Variants in RARS2 observed in about 807,000 individuals in gnomAD.
RARS2 encodes the protein arginyl-tRNA synthetase 2, mitochondrial.
In RARS2, 67 loss-of-function variants were observed where a neutral mutation model predicts 88.5. That is an observed-to-expected ratio of 0.76 (90% confidence interval 0.62 to 0.93). The LOEUF (loss-of-function observed/expected upper bound fraction) is 0.93. Among genes scored for constraint, RARS2 ranks in the 40% least tolerant of loss-of-function variants. The pLI is 0.00. For synonymous variants in RARS2, 239 were observed against 230.3 expected, an observed-to-expected ratio of 1.04 and a Z score of -0.34; for missense variants, 664 against 684.2, an observed-to-expected ratio of 0.97 and a Z score of 0.33.
At chr6:87,563,606 A>G (rs1788537523) in intron 3 of RARS2, among the ~76,000 whole-genome samples, 1 of 152,154 alleles carries the variant, frequency 6.6e-6, no homozygotes, top group Admixed American at 6.6e-5. Context: ...TACACTAACA[A>G]TTTATGTTTA....
At chr6:87,586,729 T>C (rs775120015) in intron 1 of RARS2, among the ~76,000 whole-genome samples, 1 of 152,176 alleles carries the variant, frequency 6.6e-6, no homozygotes, top group Non-Finnish European at 1.5e-5. Context: ...TAAACTATTA[T>C]AGCAAAACGA....
Position 87,548,592 on chromosome 6 carries a change from T to A in RARS2, c.450A>T (p.Ile150=). 1 of 1,612,556 alleles carries A rather than the reference T, an allele frequency of 6.2e-7. No individual in the cohort carries two copies. The highest frequency in any genetic ancestry group is 1.3e-5 in the African/African-American group (1 of 75,012). The change falls in exon 6 of 20, where the codon ATA becomes ATT. Residue 150 remains isoleucine (I), a splice_region_variant and synonymous_variant. Coordinates refer to ENST00000369536, the MANE Select transcript of RARS2 (RefSeq NM_020320.5). The part of the protein sequence containing the change: ...FHVGHLRSTI[I]GNFIANLKEA... ...TTTTATGTGAAACTAAACACTTACC[T>A]ATGATGGTAGAACGCAAATGTCCAA...
intron 8 of RARS2, among the ~76,000 whole-genome samples, chr6:87,535,164 A>G (rs914402739): frequency 1.3e-5 from 2 of 152,174 alleles, no homozygotes; most frequent in African/African-American, 4.8e-5. Flanking sequence ...CATACTAGCC[A>G]TAACAGTAAC....
intron 8 of RARS2, among the ~76,000 whole-genome samples, chr6:87,534,031 C>T (rs1778387837): frequency 6.6e-6 from 1 of 152,068 alleles, no homozygotes; most frequent in African/African-American, 2.4e-5. Flanking sequence ...TGAATTTTTA[C>T]CTAGTTTAGA....
chr6:87,583,573 GAAC>G (rs1774240406), intron 1 of RARS2, among the ~76,000 whole-genome samples: 1 of 132,442 alleles, frequency 7.6e-6, no homozygotes, highest in Non-Finnish European at 1.6e-5. Flanking sequence ...TGGGCAACAA[GAAC>G]AAAACTGCGT....
chr6:87,536,346 T>G (rs1582453371), intron 8 of RARS2, among the ~76,000 whole-genome samples: 1 of 152,242 alleles, frequency 6.6e-6, no homozygotes, highest in East Asian at 1.9e-4. Flanking sequence ...CCATAAGAAA[T>G]TACTTTTTGC....
At chr6:87,577,479 G>C (rs565155990) in intron 1 of RARS2, among the ~76,000 whole-genome samples, 1 of 152,180 alleles carries the variant, frequency 6.6e-6, no homozygotes, top group Non-Finnish European at 1.5e-5. Flanking sequence ...TTATAGGTGT[G>C]AGCCACTGCA....
intron 19 of RARS2, 112 bp downstream of exon 19, chr6:87,514,845 T>C: frequency 1.2e-6 from 1 of 869,304 alleles, no homozygotes; most frequent in South Asian, 1.4e-5. Flanking sequence ...TAAGGAAGTA[T>C]ACTGCTACAG....
chr6:87,567,078 C>T (rs1768147334), intron 2 of RARS2, among the ~76,000 whole-genome samples: 1 of 151,722 alleles, frequency 6.6e-6, no homozygotes. Flanking sequence ...ATGGTGAAAC[C>T]CCGTCTCTAC....
intron 4 of RARS2, among the ~76,000 whole-genome samples, chr6:87,558,414 CTG>C (rs1786690854): frequency 1.3e-5 from 2 of 152,132 alleles, no homozygotes; most frequent in African/African-American, 4.8e-5. Context: ...TCACTGGGCC[CTG>C]TGTGTGTTAT....
intron 4 of RARS2, 64 bp from the exon 5 acceptor site, chr6:87,555,569 T>A: frequency 7.7e-7 from 1 of 1,291,212 alleles, no homozygotes; most frequent in Non-Finnish European, 1.1e-6. Context: ...ACTCTGTTAC[T>A]GAGAATTAAA....
chr6:87,579,430 C>G (rs59149845), intron 1 of RARS2, among the ~76,000 whole-genome samples: 1 of 152,132 alleles, frequency 6.6e-6, no homozygotes, highest in African/African-American at 2.4e-5. Context: ...GGATGAACAT[C>G]TGAATCACCT....
chr6:87,545,752 A>G (rs1782448560), intron 6 of RARS2, 53 bp from the exon 7 acceptor site: 4 of 1,583,740 alleles, frequency 2.5e-6, no homozygotes, highest in African/African-American at 1.4e-5. Flanking sequence ...ATTTTTTGAC[A>G]TAAGAACCAT....
chr6:87,528,688 A>G (rs1015377822), intron 10 of RARS2, among the ~76,000 whole-genome samples: 1 of 152,212 alleles, frequency 6.6e-6, no homozygotes, highest in African/African-American at 2.4e-5. Flanking sequence ...AAAAATTATA[A>G]TCATAGAAGC....
At chr6:87,579,262 G>A (rs918019128) in intron 1 of RARS2, among the ~76,000 whole-genome samples, 6 of 152,000 alleles carry the variant, frequency 3.9e-5, no homozygotes, top group African/African-American at 7.3e-5. Flanking sequence ...AGGAAAACCC[G>A]CCTGGCTCCC....
chr6:87,576,976 C>T (rs1487826736), intron 1 of RARS2, among the ~76,000 whole-genome samples: 1 of 152,202 alleles, frequency 6.6e-6, no homozygotes, highest in Admixed American at 6.5e-5. Flanking sequence ...GGAATAGATT[C>T]ATTCGATAAA....
At chr6:87,516,372 T>C (rs542403223) in intron 18 of RARS2, among the ~76,000 whole-genome samples, 26 of 152,224 alleles carry the variant, frequency 1.7e-4, no homozygotes, top group Admixed American at 3.3e-4. Context: ...GCTTCATTCA[T>C]CAGCCCTCCC....
chr6:87,567,860 C>T (rs1768392976), intron 2 of RARS2, among the ~76,000 whole-genome samples: 1 of 152,178 alleles, frequency 6.6e-6, no homozygotes. Context: ...TAACCTCCGC[C>T]TCCCCGGTTC....
intron 8 of RARS2, among the ~76,000 whole-genome samples, chr6:87,540,737 C>G (rs1156575177): frequency 6.6e-6 from 1 of 152,044 alleles, no homozygotes; most frequent in Non-Finnish European, 1.5e-5. Flanking sequence ...GAAACACATC[C>G]CTGGAGATTG....
Sources: gnomAD v4.1 joint callset for allele counts (sites outside exome capture counted in the v4.1 genomes callset) on GRCh38, gnomAD v4.1.1 for gene constraint, MANE v1.5 for transcripts, NCBI Gene and HGNC (gene_info 2026-07-23, HGNC 2026-07-21) for gene names.